Variants in FHOD3 observed in about 807,000 individuals in gnomAD.
FHOD3 encodes FH1/FH2 domain-containing protein 3.
Under a neutral mutation model 173.0 loss-of-function variants are expected in FHOD3, and 90 were observed. The ratio of observed to expected loss-of-function variants is 0.52; its 90% CI spans 0.44 to 0.62. The LOEUF is 0.62. FHOD3 is among the 20% of genes least tolerant of loss of function. FHOD3 has a pLI of 0.00. For synonymous variants in FHOD3, 828 were observed against 823.0 expected (o/e 1.01, Z -0.10); for missense variants, 1,945 against 2,034.7 (o/e 0.96, Z 0.85).
At chr18:36,706,875 G>A (rs754935019) in intron 17 of FHOD3, among the ~76,000 whole-genome samples, 1 of 146,414 alleles carries the variant, frequency 6.8e-6, no homozygotes, top group Admixed American at 6.7e-5. Flanking sequence ...TGAAGTCCAT[G>A]TGTGCAAAAA....
intron 3 of FHOD3, among the ~76,000 whole-genome samples, chr18:36,454,046 C>A (rs1167654203): frequency 6.6e-6 from 1 of 152,108 alleles, no homozygotes; most frequent in Non-Finnish European, 1.5e-5. Context: ...TTATTTTATT[C>A]TTCCCCACCA....
chr18:36,486,483 C>T (rs764605106), intron 3 of FHOD3, among the ~76,000 whole-genome samples: 10 of 152,216 alleles, frequency 6.6e-5, no homozygotes, highest in Non-Finnish European at 1.0e-4. Flanking sequence ...CCAACTCAAC[C>T]TCCTGAGTAG....
At chr18:36,630,258 A>T (rs2034417393) in intron 10 of FHOD3, among the ~76,000 whole-genome samples, 1 of 152,234 alleles carries the variant, frequency 6.6e-6, no homozygotes, top group Non-Finnish European at 1.5e-5. Flanking sequence ...GTTTAAAAAA[A>T]TCCATTGGCA....
chr18:36,424,229 T>TG (rs2050132100), intron 3 of FHOD3, among the ~76,000 whole-genome samples: 1 of 152,230 alleles, frequency 6.6e-6, no homozygotes, highest in Admixed American at 6.5e-5. Context: ...AAGCACACTT[T>TG]GGTTTCTTCA....
At chr18:36,354,667 A>C (rs1436270350) in intron 1 of FHOD3, among the ~76,000 whole-genome samples, 2 of 152,076 alleles carry the variant, frequency 1.3e-5, no homozygotes, top group Non-Finnish European at 2.9e-5. Flanking sequence ...TTGGCTAGGC[A>C]TGGTGGTGGG....
At chr18:36,342,986 T>C (rs967197325) in intron 1 of FHOD3, among the ~76,000 whole-genome samples, 1 of 152,204 alleles carries the variant, frequency 6.6e-6, no homozygotes, top group Middle Eastern at 3.2e-3. Flanking sequence ...TCACATTTAT[T>C]AGGATTGCCA....
intron 3 of FHOD3, among the ~76,000 whole-genome samples, chr18:36,417,030 A>T (rs9963458): frequency 0.053 from 8,091 of 152,176 alleles, 744 homozygotes; most frequent in African/African-American, 0.18. Context: ...GTACATACAC[A>T]TGCACAGTTT....
intron 5 of FHOD3, among the ~76,000 whole-genome samples, chr18:36,573,596 C>T (rs1038022677): frequency 6.6e-6 from 1 of 152,056 alleles, no homozygotes; most frequent in Non-Finnish European, 1.5e-5. Flanking sequence ...AGCGTGAGAC[C>T]GTGTCTCAAC....
intron 3 of FHOD3, among the ~76,000 whole-genome samples, chr18:36,397,370 G>C (rs1033381988): frequency 6.6e-6 from 1 of 152,026 alleles, no homozygotes; most frequent in Non-Finnish European, 1.5e-5. Context: ...TTATTTTAGT[G>C]TTTGTAGAAA....
chr18:36,649,640 G>GA (rs1220637258), intron 11 of FHOD3, among the ~76,000 whole-genome samples: 8 of 152,120 alleles, frequency 5.3e-5, no homozygotes, highest in East Asian at 3.9e-4. Flanking sequence ...ACACTTTATG[G>GA]AAAAAATCAC....
chr18:36,431,122 C>T (rs1187903165), intron 3 of FHOD3, among the ~76,000 whole-genome samples: 1 of 152,100 alleles, frequency 6.6e-6, no homozygotes, highest in African/African-American at 2.4e-5. Flanking sequence ...CATGTCCTGC[C>T]TCTTGGGCTA....
At chr18:36,345,529 T>A (rs977323940) in intron 1 of FHOD3, among the ~76,000 whole-genome samples, 2 of 152,166 alleles carry the variant, frequency 1.3e-5, no homozygotes, top group Admixed American at 1.3e-4. Context: ...ACCTTGAACT[T>A]CTGAACTAAA....
intron 28 of FHOD3, among the ~76,000 whole-genome samples, chr18:36,771,719 A>G (rs1367763088): frequency 6.6e-6 from 1 of 152,224 alleles, no homozygotes; most frequent in Non-Finnish European, 1.5e-5. Context: ...GGGCAACCTC[A>G]TCGCAGGGCT....
Position 36,718,232 on chromosome 18 carries a change from C to T in FHOD3, c.2934C>T (p.Tyr978=), listed in dbSNP as rs1033261051. Residue 978 remains tyrosine, a synonymous_variant, in exon 19 of 29, where the codon TAC becomes TAT. Transcript: ENST00000590592. ...APVQPKTESD[Y]IWDQLMANPR... The stretch of plus-strand genomic sequence containing the variant: ...TGCAGCCGAAGACAGAGTCTGATTA[C>T]ATCTGGGACCAGCTCATGGCCAATC... 3.1e-6 allele frequency: 5 copies of T among 1,614,178 alleles called. No homozygotes were observed. Among genetic ancestry groups the T allele is most frequent in the Non-Finnish European group, 4.2e-6 (5 of 1,180,018 alleles).
intron 5 of FHOD3, among the ~76,000 whole-genome samples, chr18:36,571,368 A>G (rs532475706): frequency 6.6e-5 from 10 of 152,352 alleles, no homozygotes; most frequent in African/African-American, 1.9e-4. Flanking sequence ...GAACACTGAT[A>G]AAAGCAATCT....
rs150601286 is a variant in FHOD3, at chr18:36,512,391, G to T, written c.406-47G>T. ...TTTAGCAGCACAGCTGGGATGGAAGGTGGACAGGGACAGTATTTGAAGTAT... is the reference window on the plus strand; with the variant it reads ...TTTAGCAGCACAGCTGGGATGGAAGTTGGACAGGGACAGTATTTGAAGTAT... On this transcript the variant is annotated intron_variant, in intron 4 of 28. Transcript: ENST00000590592. 1.4e-4 allele frequency: 202 copies of T among 1,398,904 alleles called. No homozygotes were observed. In the African/African-American group the frequency reaches 2.6e-3, roughly 18 times the overall value. The allele number at this position is 1,398,904 out of a possible 1,614,324, so 86.7% of individuals were successfully genotyped here. A position where few individuals can be genotyped will look rare whatever the true frequency, so the allele number is the denominator to read the frequency against.
At chr18:36,599,680 A>C (rs886196301) in intron 7 of FHOD3, among the ~76,000 whole-genome samples, 7 of 152,202 alleles carry the variant, frequency 4.6e-5, no homozygotes, top group Admixed American at 3.9e-4. Flanking sequence ...AGAGGGGAGA[A>C]GTATTGAGCA....
At chr18:36,314,667 C>T (rs2044032719) in intron 1 of FHOD3, among the ~76,000 whole-genome samples, 1 of 152,168 alleles carries the variant, frequency 6.6e-6, no homozygotes, top group Non-Finnish European at 1.5e-5. Flanking sequence ...GTTGCCAAGG[C>T]CTCCAGATGG....
At position 36,718,185 on chromosome 18, in the gene FHOD3, A is replaced by G. The variant is rs767550055; in HGVS notation, c.2887A>G (p.Lys963Glu). ...CTCCCCTGATGCTGAGCCCAATGAC[A>G]AGGTCCCAGAAACAGCGCCGGTGCA... The part of the protein sequence containing the change: ...SISPDAEPND[K>E]VPETAPVQPK... The change falls in exon 19 of 29, where the codon AAG becomes GAG. Residue 963 changes from lysine to glutamate, a missense_variant. Around this residue, in one of 5 missense-constraint regions of FHOD3, gnomAD observed 1,099 missense variants for 1,051.2 expected, o/e 1.05. Coordinates refer to ENST00000590592, the MANE Select transcript of FHOD3 (RefSeq NM_001281740.3). 3 of 1,613,320 alleles carry G rather than the reference A, an allele frequency of 1.9e-6. No individual in the cohort carries two copies. The East Asian group carries it at 6.7e-5, about 36-fold the overall frequency.
Sources: allele counts gnomAD v4.1 joint callset (sites outside exome capture counted in the v4.1 genomes callset), GRCh38; gene constraint gnomAD v4.1.1; regional missense constraint gnomAD v4.1.1; transcripts MANE v1.5; gene names NCBI Gene and HGNC (gene_info 2026-07-23, HGNC 2026-07-21).